The following BABAM2 variants were observed in gnomAD, a reference collection of about 807,000 sequenced individuals.
The protein encoded by BABAM2 is BRISC and BRCA1 A complex member 2, also known as BRISC and BRCA1-A complex member 2.
Under a neutral mutation model 54.7 loss-of-function variants are expected in BABAM2, and 31 were observed. The ratio of observed to expected loss-of-function variants is 0.57; its 90% CI spans 0.43 to 0.77. The LOEUF is 0.77. Ranked by LOEUF, BABAM2 falls within the 30% of genes least tolerant of loss-of-function variation. The pLI is 0.00. For synonymous variants in BABAM2, 167 were observed against 162.9 expected, an observed-to-expected ratio of 1.03 and a Z score of -0.19; for missense variants, 364 against 455.8, an observed-to-expected ratio of 0.80 and a Z score of 1.83.
At chr2:28,182,528 A>G (rs1468889300) in intron 7 of BABAM2, among the ~76,000 whole-genome samples, 2 of 152,170 alleles carry the variant, frequency 1.3e-5, no homozygotes, top group Non-Finnish European at 2.9e-5. Context: ...CCGTGTTCAG[A>G]GTCACACAGC....
intron 6 of BABAM2, among the ~76,000 whole-genome samples, chr2:28,087,106 C>T (rs1198841198): frequency 1.3e-5 from 2 of 152,178 alleles, no homozygotes; most frequent in East Asian, 3.8e-4. Context: ...GAGAGATCTT[C>T]AAATGCCAGC....
intron 7 of BABAM2, among the ~76,000 whole-genome samples, chr2:28,227,683 G>A (rs1456616793): frequency 6.6e-6 from 1 of 152,132 alleles, no homozygotes; most frequent in Admixed American, 6.5e-5. Flanking sequence ...ATGCCACGGG[G>A]ATGGGAGGCA....
chr2:28,317,117 C>G (rs529564035), intron 11 of BABAM2, among the ~76,000 whole-genome samples: 8 of 152,162 alleles, frequency 5.3e-5, no homozygotes, highest in East Asian at 1.9e-4. Flanking sequence ...CTCCTAACAG[C>G]GAGCAGGACC....
At chr2:28,279,136 G>A (rs1226037137) in intron 10 of BABAM2, among the ~76,000 whole-genome samples, 1 of 152,178 alleles carries the variant, frequency 6.6e-6, no homozygotes, top group African/African-American at 2.4e-5. Context: ...GGAATTCCTT[G>A]GTATGGAGTT....
intron 5 of BABAM2, among the ~76,000 whole-genome samples, chr2:28,026,896 A>T (rs1473210692): frequency 3.3e-4 from 9 of 27,146 alleles, no homozygotes; most frequent in East Asian, 2.2e-3. Flanking sequence ...AGATATATAT[A>T]AATATATATA....
chr2:28,270,485 A>G (rs1023442890), intron 10 of BABAM2, among the ~76,000 whole-genome samples: 2 of 152,222 alleles, frequency 1.3e-5, no homozygotes, highest in African/African-American at 4.8e-5. Context: ...AAGCTCTTTA[A>G]GTAGTGGTGT....
At chr2:27,966,381 C>T (rs1401384707) in intron 3 of BABAM2, among the ~76,000 whole-genome samples, 8 of 107,466 alleles carry the variant, frequency 7.4e-5, no homozygotes, top group African/African-American at 2.9e-4. Context: ...CTTCTGAAGA[C>T]AACTTGATTT....
At chr2:27,988,228 A>C (rs373014128) in intron 4 of BABAM2, 141 bp downstream of exon 4, 44 of 741,376 alleles carry the variant, frequency 5.9e-5, no homozygotes, top group East Asian at 5.0e-4. Context: ...TGTGAAATAG[A>C]TGGAACTCTT....
At chr2:28,175,059 C>T (rs1166842413) in intron 7 of BABAM2, among the ~76,000 whole-genome samples, 1 of 152,206 alleles carries the variant, frequency 6.6e-6, no homozygotes, top group Non-Finnish European at 1.5e-5. Context: ...CCACTGACAG[C>T]AACCACCATC....
intron 10 of BABAM2, among the ~76,000 whole-genome samples, chr2:28,283,647 G>A (rs1323753703): frequency 6.6e-6 from 1 of 152,200 alleles, no homozygotes; most frequent in South Asian, 2.1e-4. Context: ...AGTACAAGAA[G>A]AGTAACCTAA....
At chr2:28,014,050 G>C (rs1463725075) in intron 4 of BABAM2, among the ~76,000 whole-genome samples, 1 of 152,094 alleles carries the variant, frequency 6.6e-6, no homozygotes, top group East Asian at 1.9e-4. Flanking sequence ...AAAAAACAAA[G>C]GGACATACTT....
chr2:28,120,584 A>G (rs1668986178), intron 6 of BABAM2, among the ~76,000 whole-genome samples: 1 of 152,226 alleles, frequency 6.6e-6, no homozygotes, highest in Non-Finnish European at 1.5e-5. Flanking sequence ...AGTTGTTACG[A>G]AGATTAGAGA....
chr2:28,159,509 G>A (rs888898284), intron 7 of BABAM2, among the ~76,000 whole-genome samples: 1 of 152,208 alleles, frequency 6.6e-6, no homozygotes, highest in African/African-American at 2.4e-5. Context: ...GAAGGGACAT[G>A]TGAACTAGGC....
chr2:28,127,289 GA>G (rs1174036902), intron 6 of BABAM2, among the ~76,000 whole-genome samples: 1 of 152,196 alleles, frequency 6.6e-6, no homozygotes, highest in Non-Finnish European at 1.5e-5. Context: ...AGAGAGTTTC[GA>G]GAGGCAAGTG....
intron 7 of BABAM2, among the ~76,000 whole-genome samples, chr2:28,130,498 G>T (rs1271964833): frequency 6.6e-6 from 1 of 152,148 alleles, no homozygotes; most frequent in East Asian, 1.9e-4. Context: ...TGTCACCCAG[G>T]CTGGAGTGTA....
chr2:28,155,514 A>G (rs1266280848), intron 7 of BABAM2, among the ~76,000 whole-genome samples: 4 of 152,150 alleles, frequency 2.6e-5, no homozygotes, highest in South Asian at 2.1e-4. Flanking sequence ...ACTGTTCTTC[A>G]TCTTCATACT....
chr2:28,338,827 T>C lies in BABAM2; in HGVS notation c.*314T>C, dbSNP rs1691698005. 2 of 326,006 alleles carry C rather than the reference T, an allele frequency of 6.1e-6. No individual in the cohort carries two copies. The highest frequency in any genetic ancestry group is 1.2e-5 in the Non-Finnish European group (2 of 172,002). 20.2% of individuals were successfully genotyped at this position (326,006 alleles called of 1,614,324 possible). ...GTAAAGCCTCAGGAATGCCCACGCC[T>C]TTCTTCCAAAGCCTTTGTCTCTGAG... On this transcript the variant is annotated 3_prime_UTR_variant, in exon 12 of 12. Coordinates refer to ENST00000379624, the MANE Select transcript of BABAM2 (RefSeq NM_199191.3).
At chr2:28,127,404 G>C (rs1207575799) in intron 6 of BABAM2, among the ~76,000 whole-genome samples, 2 of 152,104 alleles carry the variant, frequency 1.3e-5, no homozygotes, top group Admixed American at 6.5e-5. Flanking sequence ...TCATGAACTT[G>C]TGGGGTCAGT....
intron 10 of BABAM2, among the ~76,000 whole-genome samples, chr2:28,284,549 T>A (rs892794368): frequency 5.1e-4 from 77 of 152,008 alleles, no homozygotes; most frequent in Non-Finnish European, 7.8e-4. Context: ...TTCCTCTCTG[T>A]TCAGATCTTT....
Sources: gnomAD v4.1 joint callset for allele counts (sites outside exome capture counted in the v4.1 genomes callset) on GRCh38, gnomAD v4.1.1 for gene constraint, MANE v1.5 for transcripts, NCBI Gene and HGNC (gene_info 2026-07-23, HGNC 2026-07-21) for gene names.